Variants in WWOX observed in about 807,000 individuals in gnomAD.
WWOX encodes WW domain-containing oxidoreductase.
Under a neutral mutation model 46.2 loss-of-function variants are expected in WWOX, and 69 were observed. The ratio of observed to expected loss-of-function variants is 1.49; its 90% CI spans 1.23 to 1.82. The LOEUF is 1.82. WWOX is among the 40% of genes most tolerant of loss of function. WWOX has a pLI of 0.00. For missense variants in WWOX, 919 were observed against 542.6 expected (o/e 1.69, Z -6.89); for synonymous variants, 359 against 202.6 (o/e 1.77, Z -6.56).
At position 78,785,338 on chromosome 16, in the gene WWOX, CT is replaced by C. The variant is rs1215848835; in HGVS notation, c.1056+352588del. Among the ~76,000 whole-genome samples the C allele has an allele frequency of 3.3e-5, 5 of 152,166 alleles. No individual in the cohort carries two copies. In the East Asian group the frequency reaches 9.6e-4, roughly 29 times the overall value. On this transcript the variant is annotated intron_variant, in intron 8 of 8. Coordinates refer to ENST00000566780, the MANE Select transcript of WWOX (RefSeq NM_016373.4). ...TTTGAGCACCCTGCTCTGAATGTTT[CT>C]TGGGCAGCAGCAGCTAGGGAAGAAA...
chr16:78,489,238 G>A (rs2738707), intron 8 of WWOX, among the ~76,000 whole-genome samples: 11,755 of 152,182 alleles, frequency 0.077, 471 homozygotes, highest in African/African-American at 0.087. Flanking sequence ...GTCAAGTGAG[G>A]TTGGCAGCCA....
chr16:78,883,232 T>C (rs1180762330), intron 8 of WWOX, among the ~76,000 whole-genome samples: 1 of 152,124 alleles, frequency 6.6e-6, no homozygotes, highest in African/African-American at 2.4e-5. Flanking sequence ...CTCTTAAGCT[T>C]TGTGAACTTC....
At chr16:79,018,460 G>A (rs2047461897) in intron 8 of WWOX, among the ~76,000 whole-genome samples, 1 of 152,092 alleles carries the variant, frequency 6.6e-6, no homozygotes, top group Non-Finnish European at 1.5e-5. Context: ...GCCCATCTTG[G>A]GAGAAATTGC....
intron 5 of WWOX, among the ~76,000 whole-genome samples, chr16:78,314,299 G>C (rs1261949840): frequency 6.6e-6 from 1 of 150,762 alleles, no homozygotes; most frequent in Admixed American, 6.6e-5. Context: ...TCAGCTACTC[G>C]GGAGGCTGAG....
intron 8 of WWOX, among the ~76,000 whole-genome samples, chr16:79,159,748 T>C (rs967458867): frequency 1.3e-5 from 2 of 152,220 alleles, no homozygotes; most frequent in African/African-American, 2.4e-5. Context: ...TTTCTTCAAA[T>C]TTACTCAGTC....
chr16:78,570,956 G>A (rs2044701491), intron 8 of WWOX, among the ~76,000 whole-genome samples: 1 of 152,170 alleles, frequency 6.6e-6, no homozygotes, highest in Non-Finnish European at 1.5e-5. Context: ...AACAGAAAGT[G>A]AAACGGTGCC....
At chr16:78,530,379 T>C (rs2043593600) in intron 8 of WWOX, among the ~76,000 whole-genome samples, 1 of 152,174 alleles carries the variant, frequency 6.6e-6, no homozygotes, top group African/African-American at 2.4e-5. Context: ...TGGGGGATTT[T>C]ATTGCTGATG....
chr16:79,105,576 A>G (rs1359267980), intron 8 of WWOX, among the ~76,000 whole-genome samples: 4 of 152,226 alleles, frequency 2.6e-5, no homozygotes, highest in Admixed American at 2.0e-4. Flanking sequence ...GCTTTTATAA[A>G]AAAAGTCACA....
At chr16:78,823,079 C>T (rs1052650737) in intron 8 of WWOX, among the ~76,000 whole-genome samples, 3 of 152,202 alleles carry the variant, frequency 2.0e-5, no homozygotes, top group Non-Finnish European at 2.9e-5. Flanking sequence ...TTTGAATACA[C>T]TTTCAGTAGC....
intron 5 of WWOX, among the ~76,000 whole-genome samples, chr16:78,257,280 G>C (rs890983716): frequency 6.6e-6 from 1 of 152,180 alleles, no homozygotes; most frequent in Admixed American, 6.5e-5. Flanking sequence ...AAGGCCATGA[G>C]ATTGCATGAG....
chr16:78,220,162 A>G (rs1339359228), intron 5 of WWOX, among the ~76,000 whole-genome samples: 1 of 152,124 alleles, frequency 6.6e-6, no homozygotes, highest in Non-Finnish European at 1.5e-5. Context: ...GGTGTCTAGA[A>G]CATGTTGGGA....
At chr16:78,358,410 C>T (rs1232439466) in intron 5 of WWOX, among the ~76,000 whole-genome samples, 2 of 152,106 alleles carry the variant, frequency 1.3e-5, no homozygotes, top group African/African-American at 4.8e-5. Context: ...GTAATCCCGG[C>T]ACTTTGGGAG....
At chr16:78,689,885 G>C (rs1243245485) in intron 8 of WWOX, among the ~76,000 whole-genome samples, 1 of 151,938 alleles carries the variant, frequency 6.6e-6, no homozygotes, top group Non-Finnish European at 1.5e-5. Context: ...TTTGGAGACA[G>C]GGTCTCACTC....
chr16:78,778,924 C>T (rs938983427), intron 8 of WWOX, among the ~76,000 whole-genome samples: 10 of 152,122 alleles, frequency 6.6e-5, no homozygotes, highest in African/African-American at 2.2e-4. Context: ...GATAGGATGT[C>T]GCCCCTTGTT....
chr16:78,541,047 T>A (rs536821203), intron 8 of WWOX, among the ~76,000 whole-genome samples: 86 of 152,266 alleles, frequency 5.6e-4, no homozygotes, highest in South Asian at 2.7e-3. Flanking sequence ...TAGATACAAT[T>A]AATTTAGATT....
chr16:79,210,461 G>A (rs1245754970), intron 8 of WWOX, among the ~76,000 whole-genome samples: 1 of 152,148 alleles, frequency 6.6e-6, no homozygotes, highest in African/African-American at 2.4e-5. Context: ...GATAAGCTTT[G>A]GGTCGGGTCG....
chr16:79,042,301 A>C (rs551846758), intron 8 of WWOX, among the ~76,000 whole-genome samples: 1 of 152,074 alleles, frequency 6.6e-6, no homozygotes, highest in Non-Finnish European at 1.5e-5. Context: ...GGGTGGAAAC[A>C]TGCACCTTCC....
intron 8 of WWOX, among the ~76,000 whole-genome samples, chr16:79,119,489 G>C (rs961338952): frequency 5.3e-5 from 8 of 152,308 alleles, no homozygotes; most frequent in African/African-American, 1.7e-4. Flanking sequence ...CACTTTGTAG[G>C]TGCTTTATAA....
At chr16:78,815,098 G>A (rs1426384265) in intron 8 of WWOX, among the ~76,000 whole-genome samples, 1 of 152,202 alleles carries the variant, frequency 6.6e-6, no homozygotes, top group Non-Finnish European at 1.5e-5. Context: ...GCCGAGGTGG[G>A]CAGATTGTCT....
Sources: gnomAD v4.1 joint callset for allele counts (sites outside exome capture counted in the v4.1 genomes callset) on GRCh38, gnomAD v4.1.1 for gene constraint, MANE v1.5 for transcripts, NCBI Gene and HGNC (gene_info 2026-07-23, HGNC 2026-07-21) for gene names.